Variants in NRG1 observed in about 807,000 individuals in gnomAD.
NRG1 encodes the protein pro-neuregulin-1, membrane-bound isoform.
In NRG1, 18 loss-of-function variants were observed where a neutral mutation model predicts 63.8. That is an observed-to-expected ratio of 0.28 (90% CI 0.19 to 0.42). The LOEUF is 0.42. NRG1 is among the 10% of genes least tolerant of loss of function. NRG1 has a pLI of 1.00. For missense variants in NRG1, 762 were observed against 814.7 expected (o/e 0.94, Z 0.79); for synonymous variants, 302 against 301.3 (o/e 1.00, Z -0.02).
chr8:32,730,785 A>C (rs375562796), intron 6 of NRG1, among the ~76,000 whole-genome samples: 4 of 152,198 alleles, frequency 2.6e-5, no homozygotes, highest in South Asian at 4.1e-4. Flanking sequence ...ATTGTAATCT[A>C]TAAAATATGA....
chr8:32,728,784 G>C (rs962428069), intron 6 of NRG1, among the ~76,000 whole-genome samples: 1 of 152,126 alleles, frequency 6.6e-6, no homozygotes, highest in Non-Finnish European at 1.5e-5. Flanking sequence ...TCCAATTTAG[G>C]CCTGGGCACA....
intron 1 of NRG1, among the ~76,000 whole-genome samples, chr8:32,326,451 A>G (rs973307604): frequency 3.3e-5 from 5 of 151,404 alleles, no homozygotes; most frequent in African/African-American, 1.2e-4. Context: ...ATCTGGGACT[A>G]TATCCAGTTA....
intron 1 of NRG1, among the ~76,000 whole-genome samples, chr8:32,397,375 A>G (rs1259052865): frequency 6.6e-6 from 1 of 152,208 alleles, no homozygotes; most frequent in Non-Finnish European, 1.5e-5. Context: ...TTTTGTTAAT[A>G]TGTATAAAAA....
intron 1 of NRG1, among the ~76,000 whole-genome samples, chr8:31,882,553 T>C (rs1004333478): frequency 4.6e-5 from 7 of 152,216 alleles, no homozygotes; most frequent in Admixed American, 4.6e-4. Flanking sequence ...ATAGCTGCCA[T>C]AGATAGTGAT....
At chr8:31,860,089 G>T (rs564617293) in intron 1 of NRG1, among the ~76,000 whole-genome samples, 2 of 152,298 alleles carry the variant, frequency 1.3e-5, no homozygotes, top group Admixed American at 6.5e-5. Context: ...AGATCCAAAT[G>T]TATTTGTCAT....
chr8:32,740,461 T>C (rs1274906339), intron 6 of NRG1, among the ~76,000 whole-genome samples: 2 of 152,118 alleles, frequency 1.3e-5, no homozygotes, highest in Non-Finnish European at 2.9e-5. Context: ...CCTCCCAAAG[T>C]GCTAGGATTA....
intron 1 of NRG1, among the ~76,000 whole-genome samples, chr8:31,676,730 C>T (rs563345969): frequency 6.6e-6 from 1 of 152,228 alleles, no homozygotes. Flanking sequence ...CAAATTTTAG[C>T]TCTGCCATTT....
At chr8:31,859,149 G>A (rs778467007) in intron 1 of NRG1, among the ~76,000 whole-genome samples, 5 of 152,130 alleles carry the variant, frequency 3.3e-5, no homozygotes, top group Non-Finnish European at 7.3e-5. Flanking sequence ...AATTACTTTT[G>A]CATCAACCTT....
At chr8:32,421,923 G>A (rs900761077) in intron 1 of NRG1, among the ~76,000 whole-genome samples, 1 of 152,118 alleles carries the variant, frequency 6.6e-6, no homozygotes, top group Non-Finnish European at 1.5e-5. Context: ...CTTATAAATA[G>A]GAGCTAAATA....
At chr8:32,500,503 A>G (rs973154498) in intron 1 of NRG1, among the ~76,000 whole-genome samples, 1 of 152,216 alleles carries the variant, frequency 6.6e-6, no homozygotes, top group African/African-American at 2.4e-5. Context: ...ATTGGGTTAT[A>G]TGTGATTCCA....
intron 5 of NRG1, among the ~76,000 whole-genome samples, chr8:32,689,539 T>G (rs990976246): frequency 4.6e-5 from 7 of 152,262 alleles, no homozygotes; most frequent in African/African-American, 1.7e-4. Context: ...CAATTGTGCT[T>G]TTAAAAAATT....
intron 1 of NRG1, among the ~76,000 whole-genome samples, chr8:31,686,030 G>A (rs938323197): frequency 6.6e-6 from 1 of 152,000 alleles, no homozygotes; most frequent in Non-Finnish European, 1.5e-5. Context: ...GAATTGCTGG[G>A]TAACAATACT....
At chr8:32,597,142 G>A (rs953993558) in intron 2 of NRG1, among the ~76,000 whole-genome samples, 11 of 152,082 alleles carry the variant, frequency 7.2e-5, no homozygotes, top group Admixed American at 3.3e-4. Flanking sequence ...GTATAATAGT[G>A]GTTCCAAACT....
intron 1 of NRG1, among the ~76,000 whole-genome samples, chr8:31,750,041 A>G (rs1328346447): frequency 2.0e-5 from 3 of 151,884 alleles, no homozygotes; most frequent in Admixed American, 6.6e-5. Flanking sequence ...ACCTTCCACC[A>G]GGAGAAGCCA....
exon 12 of NRG1, chr8:32,765,596 C>G (rs1462130701): frequency 6.6e-6 from 1 of 152,110 alleles, no homozygotes; most frequent in Admixed American, 6.5e-5. Context: ...TCCATGTTGC[C>G]TTGATCAGGT....
At chr8:32,714,476 A>G (rs1818656861) in intron 5 of NRG1, among the ~76,000 whole-genome samples, 1 of 152,228 alleles carries the variant, frequency 6.6e-6, no homozygotes, top group African/African-American at 2.4e-5. Context: ...ACTGCTATCA[A>G]TTGATTAGAT....
chr8:32,335,988 C>CCA (rs369664055), intron 1 of NRG1, among the ~76,000 whole-genome samples: 16,893 of 150,522 alleles, frequency 0.11, 1,417 homozygotes, highest in African/African-American at 0.24. Flanking sequence ...CTCCACCCAC[C>CCA]CACACACACA....
chr8:31,711,477 A>G (rs565434485), intron 1 of NRG1, among the ~76,000 whole-genome samples: 1 of 152,258 alleles, frequency 6.6e-6, no homozygotes, highest in South Asian at 2.1e-4. Context: ...GGACTACCTT[A>G]CATATTCTTT....
chr8:32,484,996 C>T (rs1349317206), intron 1 of NRG1, among the ~76,000 whole-genome samples: 1 of 152,162 alleles, frequency 6.6e-6, no homozygotes, highest in Non-Finnish European at 1.5e-5. Context: ...AAGAAGGATT[C>T]CAAAGGGTTT....
Sources: gnomAD v4.1 joint callset for allele counts (sites outside exome capture counted in the v4.1 genomes callset) on GRCh38, gnomAD v4.1.1 for gene constraint, MANE v1.5 for transcripts, NCBI Gene and HGNC (gene_info 2026-07-23, HGNC 2026-07-21) for gene names.